The following FOXP4 variants were observed in gnomAD, a reference collection of about 807,000 sequenced individuals.
FOXP4 encodes forkhead box protein P4.
Under a neutral mutation model 82.6 loss-of-function variants are expected in FOXP4, and 25 were observed. The ratio of observed to expected loss-of-function variants is 0.30; its 90% CI spans 0.22 to 0.42. The LOEUF (loss-of-function observed/expected upper bound fraction) is 0.42. Ranked by LOEUF, FOXP4 falls within the 10% of genes least tolerant of loss-of-function variation. FOXP4 has a pLI of 1.00. For missense variants in FOXP4, 785 were observed against 900.9 expected (o/e 0.87, Z 1.65); for synonymous variants, 415 against 388.2 (o/e 1.07, Z -0.81).
At chr6:41,583,363 G>T (rs1765912824) in intron 3 of FOXP4, among the ~76,000 whole-genome samples, 2 of 152,206 alleles carry the variant, frequency 1.3e-5, no homozygotes, top group African/African-American at 4.8e-5. Context: ...GCCAGGCATT[G>T]AAAAGAGATC....
chr6:41,593,322 G>C lies in FOXP4; in HGVS notation c.1537-1548G>C, dbSNP rs1304306111. Among the ~76,000 whole-genome samples, 8 of 152,160 alleles carry C rather than the reference G, an allele frequency of 5.3e-5. No individual in the cohort carries two copies. Among genetic ancestry groups the C allele is most frequent in the Non-Finnish European group, 4.4e-5 (3 of 68,028 alleles). The stretch of plus-strand genomic sequence containing the variant: ...ACCAGGGCAGAAGGGTTGGGAGCGG[G>C]CATGGTGTGGGCCCAGCCAGCTGCC... On this transcript the variant is annotated intron_variant, in intron 13 of 16. Coordinates refer to ENST00000307972, the MANE Select transcript of FOXP4 (RefSeq NM_001012426.2). This position sits in a 1 kb window ranked among gnomAD's most constrained non-coding sequence, Gnocchi z 4.1.
chr6:41,574,215 A>T (rs1030995251), intron 2 of FOXP4, among the ~76,000 whole-genome samples: 2 of 152,066 alleles, frequency 1.3e-5, no homozygotes, highest in South Asian at 2.1e-4. Context: ...GGCTGAACAC[A>T]TGCAGATTAG....
intron 2 of FOXP4, among the ~76,000 whole-genome samples, chr6:41,575,000 G>C (rs1213001313): frequency 1.3e-5 from 2 of 152,074 alleles, no homozygotes; most frequent in Non-Finnish European, 2.9e-5. Context: ...ATGGAGTCTT[G>C]CTCTGTTGCT....
chr6:41,591,237 C>G lies in FOXP4; in HGVS notation c.1451C>G (p.Pro484Arg). The change falls in exon 13 of 17, where the codon CCT becomes CGT. Residue 484 changes from proline (P) to arginine (R), a missense_variant. Physicochemically the swap from Pro to Arg is moderately radical, Grantham distance 103. Transcript: ENST00000307972. The surrounding 1 kb of genome is among the most constrained non-coding windows in gnomAD (Gnocchi z 4.2). The stretch of plus-strand genomic sequence containing the variant: ...TCCCCGCAGGCCATCCTGGAAACCC[C>G]TGACAGGCAGCTGACCCTGAATGAG... ...SLIRQAILET[P>R]DRQLTLNEIY... 6.2e-7 allele frequency: 1 copy of G among 1,609,608 alleles called. No individual in the cohort carries two copies. Among genetic ancestry groups the G allele is most frequent in the Non-Finnish European group, 8.5e-7 (1 of 1,177,994 alleles).
intron 3 of FOXP4, among the ~76,000 whole-genome samples, chr6:41,580,667 G>C (rs1765746569): frequency 6.6e-6 from 1 of 152,174 alleles, no homozygotes; most frequent in Non-Finnish European, 1.5e-5. Flanking sequence ...CTGAAGTAGG[G>C]CCCAGGGCCT....
intron 2 of FOXP4, chr6:41,570,198 TG>T: frequency 2.4e-6 from 1 of 418,376 alleles, no homozygotes; most frequent in Non-Finnish European, 5.1e-6. Flanking sequence ...CAGATTCTAC[TG>T]TTTCCTGTCT....
In FOXP4 at chr6:41,589,818, C is replaced by T; in HGVS notation, c.1113C>T (p.His371=). 6.2e-7 allele frequency: 1 copy of T among 1,610,974 alleles called. No individual in the cohort carries two copies. Among genetic ancestry groups the T allele is most frequent in the South Asian group, 1.1e-5 (1 of 91,078 alleles). Residue 371 remains histidine, a synonymous_variant, in exon 10 of 17, where the codon CAC becomes CAT. Transcript: ENST00000307972. Reference sequence around the variant, plus strand: ...TGCAGGCCATGATGGCCCACCTGCACATGCGGCCCTCGGAGCCCAAGCCCT... The same window carrying T: ...TGCAGGCCATGATGGCCCACCTGCATATGCGGCCCTCGGAGCCCAAGCCCT... ...ERLQAMMAHL[H]MRPSEPKPFS...
chr6:41,566,474 G>A (rs1460508724), intron 2 of FOXP4, among the ~76,000 whole-genome samples: 2 of 152,236 alleles, frequency 1.3e-5, no homozygotes, highest in Non-Finnish European at 2.9e-5. Context: ...TAAAGGCCAA[G>A]AGAGGTAAGC....
chr6:41,580,470 C>T (rs1016911634), intron 3 of FOXP4, among the ~76,000 whole-genome samples: 2 of 152,200 alleles, frequency 1.3e-5, no homozygotes, highest in Admixed American at 1.3e-4. Context: ...GTGTAGAAGC[C>T]TAGGCCAGAT....
rs1171365941 is a variant in FOXP4 at position 41,591,241 on chromosome 6, C to G, written c.1455C>G (p.Asp485Glu). The change falls in exon 13 of 17, where the codon GAC becomes GAG. Residue 485 changes from aspartate to glutamate, a missense_variant. By Grantham distance (45) the Asp-to-Glu change is conservative (BLOSUM62 2). Coordinates refer to ENST00000307972, the MANE Select transcript of FOXP4 (RefSeq NM_001012426.2). This position sits in a 1 kb window ranked among gnomAD's most constrained non-coding sequence, Gnocchi z 4.2. ...CGCAGGCCATCCTGGAAACCCCTGA[C>G]AGGCAGCTGACCCTGAATGAGATCT... ...LIRQAILETP[D>E]RQLTLNEIYN... 1 of 1,609,988 alleles carries G rather than the reference C, an allele frequency of 6.2e-7. No individual in the cohort carries two copies. Among genetic ancestry groups the G allele is most frequent in the Admixed American group, 1.7e-5 (1 of 59,500 alleles).
chr6:41,552,776 G>A (rs1433643052), intron 1 of FOXP4, among the ~76,000 whole-genome samples: 2 of 152,082 alleles, frequency 1.3e-5, no homozygotes, highest in African/African-American at 2.4e-5. Flanking sequence ...GCAGTGTTTA[G>A]CCACAGAGAA....
At chr6:41,571,186 C>G (rs1182307293) in intron 2 of FOXP4, among the ~76,000 whole-genome samples, 1 of 152,228 alleles carries the variant, frequency 6.6e-6, no homozygotes, top group Non-Finnish European at 1.5e-5. Context: ...CACCTCCTTG[C>G]TGGAGGTCAG....
intron 1 of FOXP4, among the ~76,000 whole-genome samples, chr6:41,549,111 G>A (rs1156240472): frequency 6.6e-6 from 1 of 152,078 alleles, no homozygotes; most frequent in Admixed American, 6.5e-5. Context: ...TCTCTCCTGC[G>A]GGACGGGACC....
At chr6:41,576,479 C>T (rs1581746354) in intron 2 of FOXP4, among the ~76,000 whole-genome samples, 1 of 152,010 alleles carries the variant, frequency 6.6e-6, no homozygotes, top group South Asian at 2.1e-4. Context: ...CTTGAAGGTG[C>T]TTGTGGTGGG....
chr6:41,598,600 C>G, intron 16 of FOXP4, 189 bp from the exon 17 acceptor site: 1 of 767,066 alleles, frequency 1.3e-6, no homozygotes, highest in South Asian at 1.9e-5. Flanking sequence ...CCAGAGCAGT[C>G]TCTGCCCCAG....
intron 1 of FOXP4, 37 bp from the exon 2 acceptor site, chr6:41,565,708 C>T: frequency 6.5e-7 from 1 of 1,538,842 alleles, no homozygotes; most frequent in Admixed American, 1.8e-5. Context: ...CAGCCTTCAG[C>T]CTCAGCCTCT....
intron 1 of FOXP4, chr6:41,547,539 T>G (rs1414468102): frequency 6.6e-6 from 1 of 152,270 alleles, no homozygotes; most frequent in Non-Finnish European, 1.5e-5. Flanking sequence ...AGTCAGCCCC[T>G]TTTCCATCGC....
At chr6:41,589,738 C>T (rs1414456749) in intron 9 of FOXP4, 33 bp from the exon 10 acceptor site, 1 of 1,604,068 alleles carries the variant, frequency 6.2e-7, no homozygotes, top group East Asian at 2.2e-5. Flanking sequence ...GGTTCAGCCT[C>T]CCGCTCACCT....
chr6:41,599,091 A>G lies in FOXP4; in HGVS notation c.*155A>G. ...CCAGCAGCTCCCAGTGTGACCTGAC[A>G]AAAACACGTAGGGGCAGGGACGGTC... is the stretch of plus-strand genomic sequence containing the variant. On this transcript the variant is annotated 3_prime_UTR_variant, in exon 17 of 17. Coordinates refer to ENST00000307972, the MANE Select transcript of FOXP4 (RefSeq NM_001012426.2). 2.9e-6 allele frequency: 3 copies of G among 1,043,734 alleles called. No individual in the cohort carries two copies. The highest frequency in any genetic ancestry group is 4.1e-6 in the Non-Finnish European group (3 of 734,868). 64.7% of individuals were successfully genotyped at this position (1,043,734 alleles called of 1,614,324 possible).
Sources: allele counts gnomAD v4.1 joint callset (sites outside exome capture counted in the v4.1 genomes callset), GRCh38; gene constraint gnomAD v4.1.1; non-coding constraint Gnocchi (gnomAD v3.1); transcripts MANE v1.5; gene names NCBI Gene and HGNC (gene_info 2026-07-23, HGNC 2026-07-21).